LRIG1: variants seen among roughly 807,000 people sequenced by gnomAD.
LRIG1 encodes the protein leucine-rich repeats and immunoglobulin-like domains protein 1.
In LRIG1, 48 loss-of-function variants were observed where a neutral mutation model predicts 99.2. The ratio of observed to expected loss-of-function variants is 0.48; its 90% CI spans 0.38 to 0.62. The LOEUF (loss-of-function observed/expected upper bound fraction) is 0.62. Ranked by LOEUF, LRIG1 falls within the 20% of genes least tolerant of loss-of-function variation. LRIG1 has a pLI of 0.00. For missense variants in LRIG1, 1,646 were observed against 1,434.4 expected (o/e 1.15, Z -2.38); for synonymous variants, 772 against 596.1 (o/e 1.29, Z -4.30).
chr3:66,448,735 C>G (rs1454878867), intron 3 of LRIG1, among the ~76,000 whole-genome samples: 1 of 152,112 alleles, frequency 6.6e-6, no homozygotes, highest in Non-Finnish European at 1.5e-5. Flanking sequence ...CAGACATTTG[C>G]TCTATTCTCT....
At chr3:66,445,335 A>G (rs995925879) in intron 3 of LRIG1, among the ~76,000 whole-genome samples, 3 of 152,110 alleles carry the variant, frequency 2.0e-5, no homozygotes, top group Non-Finnish European at 4.4e-5. Flanking sequence ...CTTCAATAGT[A>G]AAGCTAAATC....
At chr3:66,459,551 C>T (rs1350914045) in intron 2 of LRIG1, among the ~76,000 whole-genome samples, 2 of 152,228 alleles carry the variant, frequency 1.3e-5, no homozygotes, top group African/African-American at 4.8e-5. Context: ...CACACTGTTT[C>T]CGTTATCAAG....
Position 66,410,214 on chromosome 3 carries a change from C to T in LRIG1, c.850G>A (p.Ala284Thr), listed in dbSNP as rs1212720511. Reference sequence around the variant, plus strand: ...TTGCTGAGGTGGAGCTGATGCAGGGCCGTGAGGCCGTAGAGCGAGCCGCTG... The same window carrying T: ...TTGCTGAGGTGGAGCTGATGCAGGGTCGTGAGGCCGTAGAGCGAGCCGCTG... ...VNSGSLYGLTALHQLHLSNNS... is the reference protein window; with the variant it reads ...VNSGSLYGLTTLHQLHLSNNS... Residue 284 changes from alanine to threonine, a missense_variant, in exon 7 of 19, where the codon GCC (alanine) becomes ACC (threonine). Coordinates refer to ENST00000273261, the MANE Select transcript of LRIG1 (RefSeq NM_015541.3). 6.2e-7 allele frequency: 1 copy of T among 1,614,106 alleles called. No homozygotes were observed. The highest frequency in any genetic ancestry group is 8.5e-7 in the Non-Finnish European group (1 of 1,179,938).
chr3:66,400,643 C>A (rs1575661225), intron 9 of LRIG1, among the ~76,000 whole-genome samples: 1 of 152,136 alleles, frequency 6.6e-6, no homozygotes, highest in Non-Finnish European at 1.5e-5. Context: ...GGGGAAGAGA[C>A]CGGACTAGAA....
chr3:66,406,863 T>C (rs1702287043), intron 8 of LRIG1, among the ~76,000 whole-genome samples: 2 of 152,212 alleles, frequency 1.3e-5, no homozygotes, highest in South Asian at 4.1e-4. Flanking sequence ...GGCATCTTGG[T>C]ACAGGTTATG....
At chr3:66,405,752 C>A (rs1378847237) in intron 8 of LRIG1, 2 of 1,155,430 alleles carry the variant, frequency 1.7e-6, no homozygotes, top group African/African-American at 1.6e-5. Context: ...CGCCTCCGTA[C>A]CAGCCAGTGG....
Position 66,500,539 on chromosome 3 carries a change from T to G in LRIG1, c.-132A>C. 9.3e-6 allele frequency: 4 copies of G among 432,276 alleles called. No individual in the cohort carries two copies. Among genetic ancestry groups the G allele is most frequent in the Non-Finnish European group, 7.6e-6 (2 of 262,482 alleles). 26.8% of individuals were successfully genotyped at this position (432,276 alleles called of 1,614,324 possible). A position where few individuals can be genotyped will look rare whatever the true frequency, so the allele number is the denominator to read the frequency against. On this transcript the variant is annotated 5_prime_UTR_variant, in exon 1 of 19. Coordinates refer to ENST00000273261, the MANE Select transcript of LRIG1 (RefSeq NM_015541.3). ...ACCGGGGCATGGCCCCCGCCCCAAG[T>G]TCTCTCTGCGGCCGCGGCTCCGGCA...
chr3:66,500,360 A>C lies in LRIG1; in HGVS notation c.48T>G (p.Pro16=). 2.0e-6 allele frequency: 3 copies of C among 1,490,068 alleles called. No homozygotes were observed. Among genetic ancestry groups the C allele is most frequent in the Non-Finnish European group, 2.7e-6 (3 of 1,126,206 alleles). 92.3% of individuals were successfully genotyped at this position (1,490,068 alleles called of 1,614,324 possible). Residue 16 remains proline (P), a synonymous_variant, in exon 1 of 19, where the codon CCT becomes CCG. Coordinates refer to ENST00000273261, the MANE Select transcript of LRIG1 (RefSeq NM_015541.3). The part of the protein sequence containing the change: ...RGGLGAPRRS[P]CLLLLWLLLL... ...AAAGCAGCCAGAGAAGGAGAAGGCA[A>C]GGCGAGCGGCGCGGGGCCCCGAGCC...
In LRIG1 at chr3:66,417,249, C is replaced by A. The variant is rs762455491; in HGVS notation, c.383G>T (p.Arg128Leu). Residue 128 changes from arginine to leucine, a missense_variant, in exon 4 of 19, where the codon CGC becomes CTC. By Grantham distance (102) the Arg-to-Leu change is moderately radical (BLOSUM62 -2). Transcript: ENST00000273261. ...CTTCAGCTGGCTCCCCTCCACGCTGCGAATCTTGTTGTGCTGCCTGAAACA... is the reference window on the plus strand; with the variant it reads ...CTTCAGCTGGCTCCCCTCCACGCTGAGAATCTTGTTGTGCTGCCTGAAACA... ...VSLFLQHNKI[R>L]SVEGSQLKAY... The A allele has an allele frequency of 4.3e-6, 7 of 1,613,840 alleles. No homozygotes were observed. In the African/African-American group the frequency reaches 5.3e-5, roughly 12 times the overall value.
chr3:66,466,458 TG>T (rs1700475678), intron 1 of LRIG1, among the ~76,000 whole-genome samples: 1 of 152,282 alleles, frequency 6.6e-6, no homozygotes, highest in South Asian at 2.1e-4. Flanking sequence ...CTATTGTGAA[TG>T]ATGTTGCTAT....
intron 3 of LRIG1, among the ~76,000 whole-genome samples, chr3:66,424,447 T>C (rs1488411308): frequency 6.6e-6 from 1 of 152,204 alleles, no homozygotes; most frequent in African/African-American, 2.4e-5. Flanking sequence ...CATGGAAACG[T>C]GTCTGCTGCC....
chr3:66,448,381 A>G (rs1182658702), intron 3 of LRIG1, among the ~76,000 whole-genome samples: 2 of 152,218 alleles, frequency 1.3e-5, no homozygotes, highest in Non-Finnish European at 2.9e-5. Context: ...GCAAAAGTCC[A>G]TAATTATAGG....
intron 1 of LRIG1, among the ~76,000 whole-genome samples, chr3:66,466,046 T>G (rs1184157081): frequency 6.6e-6 from 1 of 152,190 alleles, no homozygotes; most frequent in Non-Finnish European, 1.5e-5. Flanking sequence ...TTTCATTTTT[T>G]TTAGAGACAG....
chr3:66,451,466 G>T, intron 3 of LRIG1, 93 bp downstream of exon 3: 1 of 1,010,942 alleles, frequency 9.9e-7, no homozygotes, highest in Non-Finnish European at 1.5e-6. Flanking sequence ...GCGAGCACAT[G>T]AACTCAAGTT....
chr3:66,477,313 C>T (rs747041501), intron 1 of LRIG1, among the ~76,000 whole-genome samples: 23 of 152,210 alleles, frequency 1.5e-4, no homozygotes, highest in Non-Finnish European at 1.9e-4. Flanking sequence ...AGACACACCA[C>T]GACCCGGGTC....
At chr3:66,493,940 GAA>G (rs1701168037) in intron 1 of LRIG1, among the ~76,000 whole-genome samples, 1 of 133,682 alleles carries the variant, frequency 7.5e-6, no homozygotes, top group Admixed American at 8.1e-5. Flanking sequence ...AAAAGAAAAA[GAA>G]AACAGAGAAA....
intron 3 of LRIG1, among the ~76,000 whole-genome samples, chr3:66,427,023 G>A (rs1378665636): frequency 6.6e-6 from 1 of 152,204 alleles, no homozygotes; most frequent in East Asian, 1.9e-4. Context: ...TGCTTCGCCT[G>A]AACCTCCGGT....
Position 66,500,956 on chromosome 3 carries a change from T to C in LRIG1, c.-549A>G, listed in dbSNP as rs1701346920. 2.6e-5 allele frequency: 4 copies of C among 151,714 alleles called. No homozygotes were observed. The highest frequency in any genetic ancestry group is 2.1e-4 in the South Asian group (1 of 4,824). 9.4% of individuals were successfully genotyped at this position (151,714 alleles called of 1,614,324 possible). On this transcript the variant is annotated 5_prime_UTR_variant, in exon 1 of 19. Transcript: ENST00000273261. ...GCGCGCGCGCGCGCGCAGCCTCGGG[T>C]TCCGCACGGCTCCTCCGCGCAGCAA...
chr3:66,490,239 TTAA>T (rs1474166016), intron 1 of LRIG1, among the ~76,000 whole-genome samples: 5 of 152,196 alleles, frequency 3.3e-5, no homozygotes, highest in Non-Finnish European at 5.9e-5. Flanking sequence ...GAGGCAGATC[TTAA>T]TAACTACAGG....
Sources: allele counts gnomAD v4.1 joint callset (sites outside exome capture counted in the v4.1 genomes callset), GRCh38; gene constraint gnomAD v4.1.1; transcripts MANE v1.5; gene names NCBI Gene and HGNC (gene_info 2026-07-23, HGNC 2026-07-21).